The following SGCG variants were observed in gnomAD, a reference collection of about 807,000 sequenced individuals.
The protein encoded by SGCG is gamma-sarcoglycan.
Under a neutral mutation model 29.3 loss-of-function variants are expected in SGCG, and 26 were observed. The observed-to-expected ratio is 0.89, with a 90% CI of 0.65 to 1.23. The LOEUF is 1.23. Ranked by LOEUF, SGCG falls within the 50% of genes most tolerant of loss-of-function variation. SGCG has a pLI of 0.00. For synonymous variants in SGCG, 145 were observed against 129.7 expected, an observed-to-expected ratio of 1.12 and a Z score of -0.80; for missense variants, 353 against 356.0, an observed-to-expected ratio of 0.99 and a Z score of 0.07.
chr13:23,299,882 A>C (rs985511139), intron 6 of SGCG, among the ~76,000 whole-genome samples: 13 of 152,314 alleles, frequency 8.5e-5, no homozygotes, highest in Non-Finnish European at 1.6e-4. Context: ...AAAGTGTATT[A>C]AAGTGTTTAT....
At chr13:23,308,571 AT>A (rs199573084) in intron 6 of SGCG, among the ~76,000 whole-genome samples, 109 of 147,516 alleles carry the variant, frequency 7.4e-4, no homozygotes, top group East Asian at 1.6e-3. Flanking sequence ...TTTTCATGTA[AT>A]TTTTTTTTTT....
At chr13:23,212,425 A>G (rs1256300766) in intron 2 of SGCG, among the ~76,000 whole-genome samples, 1 of 126,774 alleles carries the variant, frequency 7.9e-6, no homozygotes, top group Non-Finnish European at 1.7e-5. Context: ...CTAACCCCGT[A>G]GGATCATGTC....
intron 2 of SGCG, among the ~76,000 whole-genome samples, chr13:23,209,153 T>C (rs1878099153): frequency 6.6e-6 from 1 of 152,134 alleles, no homozygotes; most frequent in African/African-American, 2.4e-5. Context: ...ATACTAAATG[T>C]TATCATTAAG....
At chr13:23,244,218 G>A (rs925385736) in intron 3 of SGCG, 1 of 152,052 alleles carries the variant, frequency 6.6e-6, no homozygotes, top group Non-Finnish European at 1.5e-5. Flanking sequence ...TCAGGATTAC[G>A]ATAACAGAGA....
In SGCG at chr13:23,324,451, C is replaced by T. The variant is rs759316719; in HGVS notation, c.786C>T (p.Tyr262=). ...WGPSGSSQSL[Y]EICVCPDGKL... is the part of the protein sequence containing the mutation. ...CCTCTGGCAGCTCACAGAGCCTCTACGAAATCTGTGTGTGTCCAGATGGGA... is the reference window on the plus strand; with the variant it reads ...CCTCTGGCAGCTCACAGAGCCTCTATGAAATCTGTGTGTGTCCAGATGGGA... Residue 262 remains tyrosine, a synonymous_variant, in exon 8 of 8, where the codon TAC becomes TAT. Coordinates refer to ENST00000218867, the MANE Select transcript of SGCG (RefSeq NM_000231.3). 1.2e-6 allele frequency: 2 copies of T among 1,613,910 alleles called. No individual in the cohort carries two copies. The highest frequency in any genetic ancestry group is 1.1e-5 in the South Asian group (1 of 91,074).
At chr13:23,258,498 G>A (rs1433658312) in intron 4 of SGCG, among the ~76,000 whole-genome samples, 1 of 152,248 alleles carries the variant, frequency 6.6e-6, no homozygotes, top group South Asian at 2.1e-4. Context: ...TGCAAATAGG[G>A]ACAATTTGAC....
In SGCG at chr13:23,181,294, T is replaced by C. The variant is rs79029558; in HGVS notation, c.-1+219T>C. Among the ~76,000 whole-genome samples, 1,369 of 152,314 alleles carry C rather than the reference T, an allele frequency of 9.0e-3. 10 individuals carry two copies. The highest frequency in any genetic ancestry group is 0.018 in the South Asian group (87 of 4,830). ...ATTCTGACTACAAATATGCTACATA[T>C]TTTTAGCATAATCCTATATTTCTAA... On this transcript the variant is annotated intron_variant, in intron 1 of 7. Coordinates refer to ENST00000218867, the MANE Select transcript of SGCG (RefSeq NM_000231.3).
intron 1 of SGCG, among the ~76,000 whole-genome samples, chr13:23,202,284 T>G (rs1877799002): frequency 6.6e-6 from 1 of 152,216 alleles, no homozygotes. Flanking sequence ...ACTGACATTT[T>G]ACACATTGAC....
intron 3 of SGCG, among the ~76,000 whole-genome samples, chr13:23,247,709 G>A (rs1467043927): frequency 3.3e-5 from 5 of 151,660 alleles, no homozygotes; most frequent in Non-Finnish European, 7.4e-5. Flanking sequence ...ACTTTGGGAC[G>A]CTGAGGCAGG....
chr13:23,273,275 C>T (rs1459405273), intron 4 of SGCG, among the ~76,000 whole-genome samples: 1 of 151,994 alleles, frequency 6.6e-6, no homozygotes, highest in Non-Finnish European at 1.5e-5. Context: ...ACCTCCGCCT[C>T]CTGGGTTCAA....
intron 3 of SGCG, among the ~76,000 whole-genome samples, chr13:23,236,483 C>T (rs1441636984): frequency 6.6e-6 from 1 of 152,118 alleles, no homozygotes; most frequent in Non-Finnish European, 1.5e-5. Flanking sequence ...CAAGACCATC[C>T]TGGCTAACAC....
At chr13:23,208,667 G>T (rs1301819390) in intron 2 of SGCG, among the ~76,000 whole-genome samples, 1 of 152,082 alleles carries the variant, frequency 6.6e-6, no homozygotes, top group African/African-American at 2.4e-5. Flanking sequence ...TTCCAGGAAA[G>T]ACATCTGTTG....
Position 23,224,647 on chromosome 13 carries a change from C to T in SGCG, c.196-9964C>T, listed in dbSNP as rs143370474. Among the ~76,000 whole-genome samples, 60 of 147,630 alleles carry T rather than the reference C, an allele frequency of 4.1e-4. No individual in the cohort carries two copies. The South Asian group carries it at 4.2e-3, about 10-fold the overall frequency. On this transcript the variant is annotated intron_variant, in intron 2 of 7. Coordinates refer to ENST00000218867, the MANE Select transcript of SGCG (RefSeq NM_000231.3). ...ATCTCCCACCAACCCCAAATTCCAA[C>T]CCCAAACAGGGCACACATACACACA...
intron 5 of SGCG, among the ~76,000 whole-genome samples, chr13:23,287,740 T>TTTGTTTG (rs1881547720): frequency 6.6e-6 from 1 of 150,964 alleles, no homozygotes; most frequent in Non-Finnish European, 1.5e-5. Flanking sequence ...GACCAGGGTT[T>TTTGTTTG]TTTGTTTGTT....
At chr13:23,286,915 G>A (rs1279097918) in intron 5 of SGCG, among the ~76,000 whole-genome samples, 2 of 152,140 alleles carry the variant, frequency 1.3e-5, no homozygotes, top group East Asian at 1.9e-4. Flanking sequence ...ATTTTAGGAC[G>A]GTGGGTAACT....
chr13:23,301,647 A>G (rs512015), intron 6 of SGCG, among the ~76,000 whole-genome samples: 109,929 of 152,156 alleles, frequency 0.72, 41,613 homozygotes, highest in East Asian at 0.89. Flanking sequence ...AGCACTTTGG[A>G]AGGCCGAGGC....
chr13:23,213,217 G>C (rs1199760349), intron 2 of SGCG, among the ~76,000 whole-genome samples: 1 of 152,210 alleles, frequency 6.6e-6, no homozygotes, highest in African/African-American at 2.4e-5. Flanking sequence ...ACTCATGCCT[G>C]TAATACCAGC....
intron 2 of SGCG, among the ~76,000 whole-genome samples, chr13:23,228,274 C>T (rs537501640): frequency 2.0e-5 from 3 of 151,998 alleles, no homozygotes; most frequent in Admixed American, 6.5e-5. Context: ...TGAATTTGTC[C>T]GACTTGTAAA....
At chr13:23,289,682 A>G (rs1881627364) in intron 5 of SGCG, among the ~76,000 whole-genome samples, 1 of 152,200 alleles carries the variant, frequency 6.6e-6, no homozygotes, top group African/African-American at 2.4e-5. Context: ...TCTGTGCCAT[A>G]TTATTTCATG....
Sources: allele counts gnomAD v4.1 joint callset (sites outside exome capture counted in the v4.1 genomes callset), GRCh38; gene constraint gnomAD v4.1.1; transcripts MANE v1.5; gene names NCBI Gene and HGNC (gene_info 2026-07-23, HGNC 2026-07-21).